GCLC: variants seen among roughly 807,000 people sequenced by gnomAD.
The protein encoded by GCLC is glutamate--cysteine ligase catalytic subunit.
GCLC carries 30 observed loss-of-function variants against 81.5 expected under a neutral mutation model. The observed-to-expected ratio is 0.37, with a 90% CI of 0.28 to 0.50. The LOEUF (loss-of-function observed/expected upper bound fraction) is 0.50, where lower values mean the gene tolerates loss of function less well. GCLC is among the 20% of genes least tolerant of loss of function. The pLI is 0.96. For missense variants in GCLC, 556 were observed against 777.4 expected, an observed-to-expected ratio of 0.72 and a Z score of 3.39; for synonymous variants, 262 against 273.3, an observed-to-expected ratio of 0.96 and a Z score of 0.41.
chr6:53,509,307 C>A, intron 6 of GCLC, 57 bp from the exon 7 acceptor site: 1 of 1,030,400 alleles, frequency 9.7e-7, no homozygotes, highest in African/African-American at 1.6e-5. Context: ...GCTCCCCAAG[C>A]AGTGAAGTCA....
At chr6:53,511,971 CAA>C (rs1436535488) in intron 6 of GCLC, among the ~76,000 whole-genome samples, 1 of 119,088 alleles carries the variant, frequency 8.4e-6, no homozygotes, top group Admixed American at 9.7e-5. Flanking sequence ...TTTTTTGAGA[CAA>C]AGACTTGCTC....
At chr6:53,527,421 T>TA (rs1215696910) in intron 1 of GCLC, among the ~76,000 whole-genome samples, 3 of 152,216 alleles carry the variant, frequency 2.0e-5, no homozygotes, top group African/African-American at 7.2e-5. Context: ...TTTTGAGGAC[T>TA]AAGGCTCTAG....
intron 1 of GCLC, among the ~76,000 whole-genome samples, chr6:53,542,504 T>A (rs576962627): frequency 7.4e-5 from 11 of 148,574 alleles, no homozygotes; most frequent in African/African-American, 2.5e-4. Flanking sequence ...AGGCCTTTTT[T>A]AAAAGGGTAA....
Position 53,506,039 on chromosome 6 carries a change from A to G in GCLC, c.1198-144T>C. The G allele has an allele frequency of 1.5e-6, 1 of 680,348 alleles. No individual in the cohort carries two copies. Among genetic ancestry groups the G allele is most frequent in the Non-Finnish European group, 2.7e-6 (1 of 369,436 alleles). 42.1% of individuals were successfully genotyped at this position (680,348 alleles called of 1,614,324 possible). Reference sequence around the variant, plus strand: ...CAAAGACAAAAAGGTACAATTGAAGATTTTCTTCGAGTGTGCTCTTTTAGG... The same window carrying G: ...CAAAGACAAAAAGGTACAATTGAAGGTTTTCTTCGAGTGTGCTCTTTTAGG... On this transcript the variant is annotated intron_variant, in intron 10 of 15. Transcript: ENST00000650454. The surrounding 1 kb of genome is among the most constrained non-coding windows in gnomAD (Gnocchi z 4.0).
At chr6:53,518,273 CGGA>C (rs1561944335) in intron 3 of GCLC, among the ~76,000 whole-genome samples, 5 of 151,886 alleles carry the variant, frequency 3.3e-5, no homozygotes, top group African/African-American at 1.2e-4. Flanking sequence ...TATTTTGAGA[CGGA>C]GGCTTGCTTT....
At chr6:53,534,852 A>G (rs1763233516) in intron 1 of GCLC, among the ~76,000 whole-genome samples, 1 of 152,242 alleles carries the variant, frequency 6.6e-6, no homozygotes, top group South Asian at 2.1e-4. Flanking sequence ...CATATACTTG[A>G]AGACTCAATA....
intron 1 of GCLC, among the ~76,000 whole-genome samples, chr6:53,540,807 A>G (rs560875161): frequency 2.6e-5 from 4 of 152,322 alleles, no homozygotes; most frequent in African/African-American, 9.6e-5. Flanking sequence ...TTAGATTCAC[A>G]TGATGATGCC....
Position 53,499,103 on chromosome 6 carries a change from G to C in GCLC, c.1703-136C>G, listed in dbSNP as rs150203213. Reference sequence around the variant, plus strand: ...TCCTTTTAGTGTAGCTGCATGGCAGGGGGTGGGAACATCTTTCATAGCGTT... The same window carrying C: ...TCCTTTTAGTGTAGCTGCATGGCAGCGGGTGGGAACATCTTTCATAGCGTT... On this transcript the variant is annotated intron_variant, in intron 15 of 15. Transcript: ENST00000650454. 1,726 of 681,594 alleles carry C rather than the reference G, an allele frequency of 2.5e-3. 23 individuals carry two copies. The African/African-American group carries it at 0.029, about 11-fold the overall frequency. The allele number at this position is 681,594 out of a possible 1,614,324, so 42.2% of individuals were successfully genotyped here. A position where few individuals can be genotyped will look rare whatever the true frequency, so the allele number is the denominator to read the frequency against.
chr6:53,511,241 T>C (rs1581733352), intron 6 of GCLC, among the ~76,000 whole-genome samples: 1 of 146,422 alleles, frequency 6.8e-6, no homozygotes, highest in African/African-American at 2.5e-5. Flanking sequence ...CGGTCAAAGG[T>C]ATAGTGAGAA....
At chr6:53,511,704 A>T (rs1764746510) in intron 6 of GCLC, among the ~76,000 whole-genome samples, 1 of 151,814 alleles carries the variant, frequency 6.6e-6, no homozygotes, top group Non-Finnish European at 1.5e-5. Context: ...ATACCTTAAA[A>T]AGCTATGAAT....
chr6:53,520,016 T>C (rs989480136), intron 3 of GCLC, among the ~76,000 whole-genome samples: 1 of 152,160 alleles, frequency 6.6e-6, no homozygotes, highest in Non-Finnish European at 1.5e-5. Context: ...CAGAGCTCCT[T>C]TGAACTTTGA....
chr6:53,520,902 G>T lies in GCLC; in HGVS notation c.322C>A (p.Gln108Lys). The T allele has an allele frequency of 6.2e-7, 1 of 1,613,842 alleles. No individual in the cohort carries two copies. Among genetic ancestry groups the T allele is most frequent in the African/African-American group, 1.3e-5 (1 of 75,058 alleles). Residue 108 changes from glutamine to lysine, a missense_variant, in exon 3 of 16, where the codon CAG (glutamine) becomes AAG (lysine). By Grantham distance (53) the Gln-to-Lys change is moderately conservative (BLOSUM62 1). Transcript: ENST00000650454. ...GSYMIEGTPG[Q>K]PYGGTMSEFN... ...TCGGACATTGTTCCTCCGTAGGGCT[G>T]TCCTGGTGTCCCTTCAATCATGTAA...
rs185484896 is a variant in GCLC, at chr6:53,541,998, G to T, written c.150+2498C>A. On this transcript the variant is annotated intron_variant, in intron 1 of 15. Transcript: ENST00000650454. Reference sequence around the variant, plus strand: ...TCCTTCTATCTCAGCCTCCCGAGTAGTTGGGGCCACAGGCACATGCCACTA... The same window carrying T: ...TCCTTCTATCTCAGCCTCCCGAGTATTTGGGGCCACAGGCACATGCCACTA... Among the ~76,000 whole-genome samples the T allele has an allele frequency of 2.6e-5, 4 of 152,266 alleles. No homozygotes were observed. The East Asian group carries it at 7.7e-4, about 29-fold the overall frequency.
At position 53,544,618 on chromosome 6, in the gene GCLC, G is replaced by A; in HGVS notation, c.28C>T (p.Leu10=). 2 of 1,601,548 alleles carry A rather than the reference G, an allele frequency of 1.2e-6. No homozygotes were observed. Among genetic ancestry groups the A allele is most frequent in the Non-Finnish European group, 1.7e-6 (2 of 1,179,442 alleles). The change falls in exon 1 of 16, where the codon CTG becomes TTG. Residue 10 remains leucine (L), a synonymous_variant. Transcript: ENST00000650454. ...TGGCGCTTGGTTTCCTCCCAGCTCA[G>A]CGGCGAGCCCTGGGACAGCAGCCCC... MGLLSQGSP[L]SWEETKRHAD...
At chr6:53,533,170 C>T (rs1348760963) in intron 1 of GCLC, among the ~76,000 whole-genome samples, 1 of 152,216 alleles carries the variant, frequency 6.6e-6, no homozygotes, top group Non-Finnish European at 1.5e-5. Flanking sequence ...AACTTAGCCA[C>T]ACAGATATTA....
At chr6:53,523,359 A>G (rs1763031141) in intron 1 of GCLC, 2 of 152,242 alleles carry the variant, frequency 1.3e-5, no homozygotes. Context: ...CATTATCCAT[A>G]TATAAGTGAA....
rs775235283 is a variant in GCLC at position 53,544,693 on chromosome 6, C to G, written c.-48G>C. 1 of 1,541,786 alleles carries G rather than the reference C, an allele frequency of 6.5e-7. No individual in the cohort carries two copies. Among genetic ancestry groups the G allele is most frequent in the South Asian group, 1.2e-5 (1 of 85,860 alleles). ...TCCTCCTCCGGGCTGACGGCGGTCG[C>G]CCGCTCCGGGCGCGAGACGGACACT... On this transcript the variant is annotated 5_prime_UTR_variant, in exon 1 of 16. Transcript: ENST00000650454.
chr6:53,525,566 A>G (rs1334255516), intron 1 of GCLC, among the ~76,000 whole-genome samples: 1 of 152,230 alleles, frequency 6.6e-6, no homozygotes, highest in Non-Finnish European at 1.5e-5. Flanking sequence ...TCTGTATCAC[A>G]ACACTGATTC....
At chr6:53,534,468 C>G (rs1171847050) in intron 1 of GCLC, among the ~76,000 whole-genome samples, 1 of 93,218 alleles carries the variant, frequency 1.1e-5, no homozygotes, top group Non-Finnish European at 2.2e-5. Flanking sequence ...ACCCTCCTAC[C>G]TGAAAAACCA....
Sources: gnomAD v4.1 joint callset for allele counts (sites outside exome capture counted in the v4.1 genomes callset) on GRCh38, gnomAD v4.1.1 for gene constraint, Gnocchi (gnomAD v3.1) non-coding constraint, MANE v1.5 for transcripts, NCBI Gene and HGNC (gene_info 2026-07-23, HGNC 2026-07-21) for gene names.